TTC23: variants seen among roughly 807,000 people sequenced by gnomAD.
The protein encoded by TTC23 is tetratricopeptide repeat protein 23.
Under a neutral mutation model 55.1 loss-of-function variants are expected in TTC23, and 58 were observed. The observed-to-expected ratio is 1.05, with a 90% CI of 0.85 to 1.31. The LOEUF is 1.31. Ranked by LOEUF, TTC23 falls within the 50% of genes most tolerant of loss-of-function variation. The pLI is 0.00. For synonymous variants in TTC23, 203 were observed against 199.9 expected (o/e 1.02, Z -0.13); for missense variants, 516 against 534.4 (o/e 0.97, Z 0.34).
intron 10 of TTC23, among the ~76,000 whole-genome samples, chr15:99,173,257 C>T (rs1413022915): frequency 1.3e-5 from 2 of 152,212 alleles, no homozygotes; most frequent in Non-Finnish European, 2.9e-5. Flanking sequence ...TGTTTTGACT[C>T]ACTCAGAGCC....
chr15:99,228,918 G>A (rs2078692806), intron 4 of TTC23, among the ~76,000 whole-genome samples, 186 bp from the exon 5 acceptor site: 1 of 141,242 alleles, frequency 7.1e-6, no homozygotes, highest in African/African-American at 2.6e-5. Context: ...CTTTCTTTAT[G>A]TATATAGACA....
intron 12 of TTC23, among the ~76,000 whole-genome samples, chr15:99,150,297 A>T (rs1219276372): frequency 1.3e-5 from 2 of 152,168 alleles, no homozygotes; most frequent in Admixed American, 6.5e-5. Flanking sequence ...CATCCTCAAC[A>T]CTATCCTCAT....
chr15:99,226,631 G>A (rs1244540061), intron 5 of TTC23, among the ~76,000 whole-genome samples: 2 of 152,184 alleles, frequency 1.3e-5, no homozygotes, highest in African/African-American at 4.8e-5. Flanking sequence ...TTTAATGTCA[G>A]CTTGCAGCTT....
intron 8 of TTC23, among the ~76,000 whole-genome samples, chr15:99,212,666 C>A (rs1437677671): frequency 6.6e-6 from 1 of 152,052 alleles, no homozygotes; most frequent in Non-Finnish European, 1.5e-5. Flanking sequence ...AAAGGACAGG[C>A]AGGGCAGGAA....
chr15:99,174,982 A>C (rs545168864), intron 10 of TTC23, 68 bp downstream of exon 10: 2 of 1,431,812 alleles, frequency 1.4e-6, no homozygotes, highest in Admixed American at 3.7e-5. Flanking sequence ...CTGTTAACCC[A>C]TCTAGAAGGC....
intron 8 of TTC23, among the ~76,000 whole-genome samples, chr15:99,213,886 C>T (rs886662278): frequency 1.3e-5 from 2 of 152,130 alleles, no homozygotes; most frequent in Non-Finnish European, 2.9e-5. Flanking sequence ...AACATGCATG[C>T]ATTTCTATTG....
At chr15:99,210,355 A>AAAT (rs944071009) in intron 8 of TTC23, among the ~76,000 whole-genome samples, 6 of 152,168 alleles carry the variant, frequency 3.9e-5, no homozygotes, top group Non-Finnish European at 2.9e-5. Context: ...CCCACATTGA[A>AAAT]AATAATAATA....
intron 8 of TTC23, among the ~76,000 whole-genome samples, chr15:99,215,210 C>G (rs2077380646): frequency 6.6e-6 from 1 of 151,910 alleles, no homozygotes; most frequent in East Asian, 1.9e-4. Flanking sequence ...TATAAGGGTT[C>G]TTTGTAGACT....
chr15:99,168,510 CG>C (rs1252889132), intron 10 of TTC23, among the ~76,000 whole-genome samples: 1 of 152,198 alleles, frequency 6.6e-6, no homozygotes, highest in African/African-American at 2.4e-5. Context: ...GAAGCCAAGT[CG>C]GGGTGTAAGT....
intron 12 of TTC23, among the ~76,000 whole-genome samples, chr15:99,149,225 C>T (rs1359835368): frequency 6.6e-6 from 1 of 152,250 alleles, no homozygotes; most frequent in Non-Finnish European, 1.5e-5. Context: ...AGCAGTCAGC[C>T]TGTCCTCACA....
At chr15:99,184,158 G>C (rs1419555030) in intron 9 of TTC23, among the ~76,000 whole-genome samples, 1 of 152,224 alleles carries the variant, frequency 6.6e-6, no homozygotes, top group Middle Eastern at 3.2e-3. Context: ...GTGTGCTGCA[G>C]GGACGAAGCA....
chr15:99,246,282 T>A (rs2080233339), intron 1 of TTC23, among the ~76,000 whole-genome samples: 1 of 152,230 alleles, frequency 6.6e-6, no homozygotes, highest in South Asian at 2.1e-4. Flanking sequence ...ATTAATCTGA[T>A]AAAGGACTTT....
At chr15:99,165,776 T>C (rs78382636) in intron 10 of TTC23, among the ~76,000 whole-genome samples, 6,407 of 152,272 alleles carry the variant, frequency 0.042, 187 homozygotes, top group Non-Finnish European at 0.062. Flanking sequence ...GCAAACTGAG[T>C]ATTAACTTTG....
intron 9 of TTC23, among the ~76,000 whole-genome samples, chr15:99,179,555 T>C (rs534487494): frequency 5.4e-4 from 83 of 152,382 alleles, no homozygotes; most frequent in African/African-American, 1.9e-3. Context: ...CATCTACATA[T>C]GTTAACATGG....
chr15:99,243,217 A>G (rs2079958839), intron 2 of TTC23, among the ~76,000 whole-genome samples: 1 of 152,256 alleles, frequency 6.6e-6, no homozygotes, highest in South Asian at 2.1e-4. Context: ...ATTTCTCAAA[A>G]GACATGCAAA....
intron 12 of TTC23, among the ~76,000 whole-genome samples, chr15:99,142,838 G>A (rs75392556): frequency 0.018 from 2,715 of 152,266 alleles, 82 homozygotes; most frequent in African/African-American, 0.062. Flanking sequence ...TACTGTGTTC[G>A]TAGAGAAGAG....
intron 8 of TTC23, among the ~76,000 whole-genome samples, chr15:99,217,054 A>G (rs1294751713): frequency 6.6e-6 from 1 of 152,206 alleles, no homozygotes; most frequent in Non-Finnish European, 1.5e-5. Flanking sequence ...CAGGAACCAG[A>G]AGCAATGAAC....
At chr15:99,221,691 G>A in intron 6 of TTC23, 50 bp downstream of exon 6, 1 of 1,609,128 alleles carries the variant, frequency 6.2e-7, no homozygotes, top group African/African-American at 1.3e-5. Context: ...ATTTTGGGGA[G>A]AACAGCAGAA....
rs1008274795 is a variant in TTC23 at position 99,244,415 on chromosome 15, G to GC, written c.-309+973dup. ...TCCACAATAAATAAACAAATAAATC[G>GC]CCCCCCCCAATTAGAACGACTAAAT... On this transcript the variant is annotated intron_variant, in intron 2 of 13. Coordinates refer to ENST00000394132, the MANE Select transcript of TTC23 (RefSeq NM_001288615.3). 5.4e-4 allele frequency among the ~76,000 whole-genome samples: 82 copies of GC among 151,192 alleles called. No individual in the cohort carries two copies. The East Asian group carries it at 5.8e-3, about 11-fold the overall frequency.
Sources: gnomAD v4.1 joint callset for allele counts (sites outside exome capture counted in the v4.1 genomes callset) on GRCh38, gnomAD v4.1.1 for gene constraint, MANE v1.5 for transcripts, NCBI Gene and HGNC (gene_info 2026-07-23, HGNC 2026-07-21) for gene names.